Variants in U2AF2 observed in about 807,000 individuals in gnomAD.
U2AF2 encodes splicing factor U2AF 65 kDa subunit.
In U2AF2, 6 loss-of-function variants were observed where a neutral mutation model predicts 52.6. The ratio of observed to expected loss-of-function variants is 0.11; its 90% CI spans 0.06 to 0.23. U2AF2 has a LOEUF of 0.23. Ranked by LOEUF, U2AF2 falls within the 10% of genes least tolerant of loss-of-function variation. The probability of loss-of-function intolerance (pLI) is 1.00; values close to 1 mark genes in which losing one functional copy is unlikely to be tolerated. For missense variants in U2AF2, 222 were observed against 677.1 expected, an observed-to-expected ratio of 0.33 and a Z score of 7.46; for synonymous variants, 284 against 258.2, an observed-to-expected ratio of 1.10 and a Z score of -0.96.
chr19:55,655,939 C>T lies in U2AF2; in HGVS notation c.49+786C>T, dbSNP rs145900873. Among the ~76,000 whole-genome samples the T allele has an allele frequency of 1.0e-3, 155 of 152,264 alleles. 3 individuals are homozygous for T. In the East Asian group the frequency reaches 0.027, roughly 27 times the overall value. On this transcript the variant is annotated intron_variant, in intron 1 of 11. Coordinates refer to ENST00000308924, the MANE Select transcript of U2AF2 (RefSeq NM_007279.3). ...CTCAAATCATTTACAATCCCAATCTCAGGGCACCTGATAATACTCAGTCTC... is the reference window on the plus strand; with the variant it reads ...CTCAAATCATTTACAATCCCAATCTTAGGGCACCTGATAATACTCAGTCTC...
chr19:55,669,519 C>T lies in U2AF2; in HGVS notation c.1120C>T (p.Pro374Ser), dbSNP rs1404794887. 2 of 1,613,882 alleles carry T rather than the reference C, an allele frequency of 1.2e-6. No homozygotes were observed. The highest frequency in any genetic ancestry group is 1.7e-6 in the Non-Finnish European group (2 of 1,179,866). The part of the protein sequence containing the change: ...MSSQVQMGGH[P>S]TEVLCLMNMV... ...CTCCCAGGTGCAGATGGGCGGCCAC[C>T]CGACTGAGGTCCTGTGCCTCATGAA... Residue 374 changes from proline to serine, a missense_variant, in exon 11 of 12, where the codon CCG (proline) becomes TCG (serine). Pro to Ser is a moderately conservative substitution (Grantham distance 74). Transcript: ENST00000308924.
intron 7 of U2AF2, among the ~76,000 whole-genome samples, chr19:55,666,125 G>A (rs1359905802): frequency 6.6e-6 from 1 of 152,206 alleles, no homozygotes; most frequent in Non-Finnish European, 1.5e-5. Flanking sequence ...GGGTGCTCTG[G>A]CAGGGGCTGA....
Position 55,656,390 on chromosome 19 carries a change from T to A in U2AF2, c.49+1237T>A, listed in dbSNP as rs11879688. ...AACGTTTACTGAGGGTCTGACTCTG[T>A]CTTAGTTGATGGACTGCTCAAGAGC... On this transcript the variant is annotated intron_variant, in intron 1 of 11. Coordinates refer to ENST00000308924, the MANE Select transcript of U2AF2 (RefSeq NM_007279.3). 6.0e-3 allele frequency among the ~76,000 whole-genome samples: 919 copies of A among 152,324 alleles called. 7 individuals carry two copies. The highest frequency in any genetic ancestry group is 0.02 in the African/African-American group (850 of 41,580).
intron 11 of U2AF2, chr19:55,672,129 A>AG (rs970491494): frequency 6.7e-6 from 1 of 149,338 alleles, no homozygotes; most frequent in African/African-American, 2.5e-5. Context: ...ACATGGTCTC[A>AG]GAAAAAAAAA....
At chr19:55,656,365 A>G (rs961540940) in intron 1 of U2AF2, among the ~76,000 whole-genome samples, 4 of 152,194 alleles carry the variant, frequency 2.6e-5, no homozygotes, top group African/African-American at 9.7e-5. Context: ...GGGAAGCAAT[A>G]ACGTTTACTG....
rs867797495 is a variant in U2AF2, at chr19:55,670,549, C to T, written c.1293+857C>T. 4.3e-4 allele frequency: 139 copies of T among 322,986 alleles called. 3 individuals are homozygous for T. Among genetic ancestry groups the T allele is most frequent in the African/African-American group, 3.2e-3 (134 of 41,834 alleles). 20.0% of individuals were successfully genotyped at this position (322,986 alleles called of 1,614,324 possible). A position where few individuals can be genotyped will look rare whatever the true frequency, so the allele number is the denominator to read the frequency against. ...CCTGCTGTCCCTGCACCCTGCTGTC[C>T]GTGCAGCTGTTAGAGGACCTGCATG... On this transcript the variant is annotated intron_variant, in intron 11 of 11. Transcript: ENST00000308924.
intron 11 of U2AF2, among the ~76,000 whole-genome samples, chr19:55,670,007 T>C (rs1044079362): frequency 5.3e-5 from 8 of 152,092 alleles, no homozygotes; most frequent in African/African-American, 1.9e-4. Flanking sequence ...CTCCCCCTTA[T>C]ATGGCCTGGC....
In U2AF2 at chr19:55,674,510, T is replaced by G. The variant is rs1985171274; in HGVS notation, c.*442T>G. On this transcript the variant is annotated 3_prime_UTR_variant, in exon 12 of 12. Coordinates refer to ENST00000308924, the MANE Select transcript of U2AF2 (RefSeq NM_007279.3). ...GTCCGGCCCTCAGTGCCCTGCCCTC[T>G]CCCTTACCAGGACCACAGCTCTGTT... 1 of 162,044 alleles carries G rather than the reference T, an allele frequency of 6.2e-6. No individual in the cohort carries two copies. Among genetic ancestry groups the G allele is most frequent in the Non-Finnish European group, 1.4e-5 (1 of 72,892 alleles). The allele number at this position is 162,044 out of a possible 1,614,324, so 10.0% of individuals were successfully genotyped here.
intron 7 of U2AF2, among the ~76,000 whole-genome samples, chr19:55,667,620 C>A (rs1433450247): frequency 6.6e-6 from 1 of 152,172 alleles, no homozygotes; most frequent in East Asian, 1.9e-4. Flanking sequence ...CCACAGTCAG[C>A]CCACAGTTCC....
At position 55,668,353 on chromosome 19, in the gene U2AF2, A is replaced by G. The variant is rs764575769; in HGVS notation, c.743-154A>G. On this transcript the variant is annotated intron_variant, in intron 7 of 11. Coordinates refer to ENST00000308924, the MANE Select transcript of U2AF2 (RefSeq NM_007279.3). This position sits in a 1 kb window ranked among gnomAD's most constrained non-coding sequence, Gnocchi z 5.5. The stretch of plus-strand genomic sequence containing the variant: ...TGCCCAGGACCCTCACTGGTCAGAT[A>G]AGGCTGGGGTGGGGTGGGCACGTGG... Among the ~76,000 whole-genome samples the G allele has an allele frequency of 5.9e-5, 9 of 152,104 alleles. No individual in the cohort carries two copies. The highest frequency in any genetic ancestry group is 1.2e-4 in the Non-Finnish European group (8 of 68,016).
rs768468270 is a variant in U2AF2 at position 55,660,591 on chromosome 19, C to A, written c.306C>A (p.Ile102=). 3.8e-6 allele frequency: 6 copies of A among 1,598,016 alleles called. No individual in the cohort carries two copies. The highest frequency in any genetic ancestry group is 5.1e-6 in the Non-Finnish European group (6 of 1,169,900). Residue 102 remains isoleucine, a synonymous_variant, in exon 4 of 12, where the codon ATC becomes ATA. Transcript: ENST00000308924. The stretch of plus-strand genomic sequence containing the variant: ...TGCCACCCCCAGGCTTTGAGCACAT[C>A]ACCCCAATGCAGTACAAGGCCATGC... ...WDVPPPGFEH[I]TPMQYKAMQA...
At chr19:55,658,996 G>A (rs976593078) in intron 1 of U2AF2, 40 of 604,352 alleles carry the variant, frequency 6.6e-5, no homozygotes, top group Middle Eastern at 5.0e-4. Context: ...CTTACACCCC[G>A]GGGGCATTTC....
intron 5 of U2AF2, 140 bp downstream of exon 5, chr19:55,661,329 T>A: frequency 1.0e-6 from 1 of 974,282 alleles, no homozygotes; most frequent in Non-Finnish European, 1.4e-6. Flanking sequence ...GACGGACCGA[T>A]GGAGTTGAGC....
chr19:55,672,992 G>C (rs1039307325), intron 11 of U2AF2, among the ~76,000 whole-genome samples: 2 of 151,688 alleles, frequency 1.3e-5, no homozygotes, highest in Non-Finnish European at 2.9e-5. Flanking sequence ...ACCCAGGCTG[G>C]AGTGCAGTGG....
Position 55,663,600 on chromosome 19 carries a change from A to T in U2AF2, c.604-6A>T, listed in dbSNP as rs774815420. The T allele has an allele frequency of 6.2e-7, 1 of 1,613,418 alleles. No homozygotes were observed. The highest frequency in any genetic ancestry group is 8.5e-7 in the Non-Finnish European group (1 of 1,179,590). ...ATCCCTCACCACTCCTTTCTCTTTCATTCAGTTCCGCTCAGTGGACGAGAC... is the reference window on the plus strand; with the variant it reads ...ATCCCTCACCACTCCTTTCTCTTTCTTTCAGTTCCGCTCAGTGGACGAGAC... On this transcript the variant is annotated splice_polypyrimidine_tract_variant and splice_region_variant and intron_variant, in intron 6 of 11. Coordinates refer to ENST00000308924, the MANE Select transcript of U2AF2 (RefSeq NM_007279.3).
intron 6 of U2AF2, among the ~76,000 whole-genome samples, chr19:55,662,865 A>G (rs1984305086): frequency 6.6e-6 from 1 of 152,050 alleles, no homozygotes. Flanking sequence ...GGCCTTTTCC[A>G]GACCATTCCG....
chr19:55,662,885 T>G (rs541780513), intron 6 of U2AF2, among the ~76,000 whole-genome samples: 1 of 152,258 alleles, frequency 6.6e-6, no homozygotes, highest in African/African-American at 2.4e-5. Flanking sequence ...GGCCCAGTCC[T>G]CTCTGCACTC....
In U2AF2 at chr19:55,673,475, G is replaced by C. The variant is rs746609327; in HGVS notation, c.1294-459G>C. ...AAGGTTAGAAGCTCGAATAGATCAA[G>C]GTTCAAGTTTTTAAATTTTATTCAA... On this transcript the variant is annotated intron_variant, in intron 11 of 11. Coordinates refer to ENST00000308924, the MANE Select transcript of U2AF2 (RefSeq NM_007279.3). Among the ~76,000 whole-genome samples the C allele has an allele frequency of 6.4e-4, 98 of 152,292 alleles. 1 individual carries two copies. The highest frequency in any genetic ancestry group is 1.4e-3 in the Admixed American group (22 of 15,302).
chr19:55,656,098 G>A (rs545175779), intron 1 of U2AF2, among the ~76,000 whole-genome samples: 1 of 152,278 alleles, frequency 6.6e-6, no homozygotes, highest in Admixed American at 6.5e-5. Context: ...TGATGGGTTA[G>A]AACAAAAAGC....
Sources: gnomAD v4.1 joint callset for allele counts (sites outside exome capture counted in the v4.1 genomes callset) on GRCh38, gnomAD v4.1.1 for gene constraint, Gnocchi (gnomAD v3.1) non-coding constraint, MANE v1.5 for transcripts, NCBI Gene and HGNC (gene_info 2026-07-23, HGNC 2026-07-21) for gene names.